Variants in PCLAF observed in about 807,000 individuals in gnomAD.
PCLAF encodes the protein PCNA-associated factor.
In PCLAF, 12 loss-of-function variants were observed where a neutral mutation model predicts 15.1. The ratio of observed to expected loss-of-function variants is 0.79; its 90% CI spans 0.51 to 1.29. The LOEUF is 1.29. Among genes scored for constraint, PCLAF ranks in the 50% most tolerant of loss-of-function variants. The pLI is 0.00. For missense variants in PCLAF, 116 were observed against 130.9 expected (o/e 0.89, Z 0.56); for synonymous variants, 33 against 47.1 (o/e 0.70, Z 1.22).
upstream of PCLAF, among the ~76,000 whole-genome samples, chr15:64,385,483 C>T (rs559008961): frequency 2.4e-4 from 36 of 151,782 alleles, no homozygotes; most frequent in African/African-American, 8.5e-4. Flanking sequence ...AAATTAGCCG[C>T]GCATGGTGGC....
In PCLAF at chr15:64,364,930, T is replaced by G. The variant is rs566769212; in HGVS notation, c.*1100A>C. ...GAACTCCTATCTCAGGTGATCCACC[T>G]GCCTTGGCCTCCCAAAGTGCTGGGA... On this transcript the variant is annotated 3_prime_UTR_variant, in exon 4 of 4. Coordinates refer to ENST00000300035, the MANE Select transcript of PCLAF (RefSeq NM_014736.6). 6.6e-6 allele frequency: 1 copy of G among 151,992 alleles called. No individual in the cohort carries two copies. The highest frequency in any genetic ancestry group is 1.9e-4 in the East Asian group (1 of 5,172). The allele number at this position is 151,992 out of a possible 1,614,324, so 9.4% of individuals were successfully genotyped here. A position where few individuals can be genotyped will look rare whatever the true frequency, so the allele number is the denominator to read the frequency against.
chr15:64,385,997 C>G (rs566938096), upstream of PCLAF, among the ~76,000 whole-genome samples: 5 of 152,180 alleles, frequency 3.3e-5, no homozygotes, highest in South Asian at 1.0e-3. Context: ...TTTTCAGTCT[C>G]CATAATTTCC....
chr15:64,385,585 A>C (rs963878332), upstream of PCLAF, among the ~76,000 whole-genome samples: 1 of 151,902 alleles, frequency 6.6e-6, no homozygotes, highest in Non-Finnish European at 1.5e-5. Flanking sequence ...AGATTGCACT[A>C]TTGCACTCCA....
At chr15:64,381,279 G>T (rs770123662) in intron 1 of PCLAF, 47 bp downstream of exon 1, 1 of 1,602,986 alleles carries the variant, frequency 6.2e-7, no homozygotes, top group Non-Finnish European at 8.5e-7. Flanking sequence ...TGGCCAGGCT[G>T]CCGGGAGGAC....
chr15:64,387,471 C>A, exon 1 of PCLAF: 1 of 1,274,536 alleles, frequency 7.8e-7, no homozygotes, highest in Non-Finnish European at 1.0e-6. Context: ...CTTCCACGTG[C>A]TGTTTTATTT....
upstream of PCLAF, among the ~76,000 whole-genome samples, chr15:64,385,956 T>A (rs1350179803): frequency 6.6e-6 from 1 of 152,100 alleles, no homozygotes; most frequent in Non-Finnish European, 1.5e-5. Context: ...CATTCCAGGG[T>A]CTCCTGCTTG....
At chr15:64,369,185 G>A (rs915567922) in intron 3 of PCLAF, among the ~76,000 whole-genome samples, 1 of 151,838 alleles carries the variant, frequency 6.6e-6, no homozygotes, top group Non-Finnish European at 1.5e-5. Flanking sequence ...AACATAGCAA[G>A]GCCTGGTCTC....
intron 1 of PCLAF, among the ~76,000 whole-genome samples, chr15:64,386,690 T>G (rs1357450020): frequency 6.6e-6 from 1 of 151,964 alleles, no homozygotes; most frequent in Admixed American, 6.6e-5. Context: ...TCCTCCCGCC[T>G]CGGCCTCCCA....
chr15:64,378,052 TC>T (rs1899686053), intron 2 of PCLAF, among the ~76,000 whole-genome samples: 1 of 152,062 alleles, frequency 6.6e-6, no homozygotes, highest in Admixed American at 6.6e-5. Flanking sequence ...TGCCTCAGCC[TC>T]CCGAGCAGTT....
At chr15:64,381,239 C>A in intron 1 of PCLAF, 87 bp downstream of exon 1, 1 of 1,501,664 alleles carries the variant, frequency 6.7e-7, no homozygotes, top group Non-Finnish European at 9.3e-7. Flanking sequence ...GCGCACAGGG[C>A]CCAGGGGGAC....
Position 64,381,009 on chromosome 15 carries a change from G to A in PCLAF, c.76C>T (p.Leu26Phe), listed in dbSNP as rs1345915240. 4 of 1,614,024 alleles carry A rather than the reference G, an allele frequency of 2.5e-6. No individual in the cohort carries two copies. The highest frequency in any genetic ancestry group is 1.6e-4 in the Middle Eastern group (1 of 6,082). Reference protein sequence around the residue: ...VVAARAPRKVLGSSTSATNST... With the variant: ...VVAARAPRKVFGSSTSATNST... ...TTAGTGGCAGAGGTGGAAGAACCAA[G>A]CACCTTTCTGGGGGCTCGAGCAGCC... The change falls in exon 2 of 4, where the codon CTT (leucine) becomes TTT (phenylalanine). Residue 26 changes from leucine (L) to phenylalanine (F), a missense_variant. By Grantham distance (22) the Leu-to-Phe change is conservative. Coordinates refer to ENST00000300035, the MANE Select transcript of PCLAF (RefSeq NM_014736.6).
At chr15:64,381,258 T>C in intron 1 of PCLAF, 68 bp downstream of exon 1, 1 of 1,572,436 alleles carries the variant, frequency 6.4e-7, no homozygotes, top group Non-Finnish European at 8.8e-7. Flanking sequence ...ACCTCTGGCG[T>C]CTGTCGCCCG....
At chr15:64,370,380 T>G (rs978149580) in intron 3 of PCLAF, among the ~76,000 whole-genome samples, 3 of 151,574 alleles carry the variant, frequency 2.0e-5, no homozygotes, top group African/African-American at 7.3e-5. Context: ...TTCTTTTTTT[T>G]TTTTTCAGAC....
At chr15:64,387,583 C>G in exon 1 of PCLAF, 1 of 1,368,356 alleles carries the variant, frequency 7.3e-7, no homozygotes, top group Non-Finnish European at 9.5e-7. Context: ...GCACTGTCTT[C>G]TTAGCAGAAT....
intron 3 of PCLAF, among the ~76,000 whole-genome samples, chr15:64,371,456 G>T (rs769449008): frequency 3.9e-5 from 6 of 151,932 alleles, no homozygotes; most frequent in Non-Finnish European, 7.4e-5. Flanking sequence ...AGTACAGATG[G>T]GGTTTCACCA....
At chr15:64,379,861 C>G (rs1268156032) in intron 2 of PCLAF, among the ~76,000 whole-genome samples, 1 of 152,006 alleles carries the variant, frequency 6.6e-6, no homozygotes, top group African/African-American at 2.4e-5. Context: ...GTATTAGGAG[C>G]TGCAAAGTTG....
chr15:64,383,843 A>G (rs1899882044), upstream of PCLAF, among the ~76,000 whole-genome samples: 1 of 151,906 alleles, frequency 6.6e-6, no homozygotes, highest in Admixed American at 6.6e-5. Flanking sequence ...ATATATTTCC[A>G]CCCGGGGCAG....
intron 3 of PCLAF, among the ~76,000 whole-genome samples, chr15:64,373,960 C>T (rs535959405): frequency 2.0e-5 from 3 of 152,088 alleles, no homozygotes; most frequent in African/African-American, 4.8e-5. Context: ...TCCCAAGTGG[C>T]GTGATTTTTC....
At chr15:64,376,211 C>G (rs2078682665) in intron 3 of PCLAF, among the ~76,000 whole-genome samples, 1 of 151,206 alleles carries the variant, frequency 6.6e-6, no homozygotes, top group African/African-American at 2.4e-5. Flanking sequence ...GGCAACAGAG[C>G]AAGACTCCGT....
Sources: allele counts gnomAD v4.1 joint callset (sites outside exome capture counted in the v4.1 genomes callset), GRCh38; gene constraint gnomAD v4.1.1; transcripts MANE v1.5; gene names NCBI Gene and HGNC (gene_info 2026-07-23, HGNC 2026-07-21).